ADISSP: variants seen among roughly 807,000 people sequenced by gnomAD.
ADISSP encodes adipose secreted signaling protein, also known as adipose-secreted signaling protein.
the ADISSP span, chr20:3,759,913 G>A: frequency 4.2e-6 from 5 of 1,178,268 alleles, no homozygotes; most frequent in Non-Finnish European, 6.2e-6. This position sits in a 1 kb window ranked among gnomAD's most constrained non-coding sequence, Gnocchi z 4.6. Context: ...CCAGAACCTG[G>A]CACAAACACT....
chr20:3,753,973 A>G, the ADISSP span: 1 of 1,040,636 alleles, frequency 9.6e-7, no homozygotes, highest in Non-Finnish European at 1.5e-6. Flanking sequence ...GAGAGGGGCG[A>G]GGAAGCCACA....
At chr20:3,765,186 C>A in the ADISSP span, among the ~76,000 whole-genome samples, 1 of 152,230 alleles carries the variant, frequency 6.6e-6, no homozygotes, top group African/African-American at 2.4e-5. Flanking sequence ...CCTCGGGGAG[C>A]TAGACTCTTG....
chr20:3,753,967 G>T, the ADISSP span: 1 of 974,382 alleles, frequency 1.0e-6, no homozygotes, highest in Non-Finnish European at 1.6e-6. Context: ...ACCCCAGAGA[G>T]GGGCGAGGAA....
the ADISSP span, among the ~76,000 whole-genome samples, chr20:3,762,274 GA>G: frequency 1.0e-3 from 137 of 132,152 alleles, no homozygotes; most frequent in East Asian, 1.1e-3. Context: ...TCTGTCTCAA[GA>G]AAAAAAAAAA....
the ADISSP span, chr20:3,760,155 G>T: frequency 3.5e-6 from 5 of 1,431,668 alleles, no homozygotes; most frequent in Admixed American, 3.4e-5. Context: ...ACGCTCAGCA[G>T]CCTCCCATGC....
chr20:3,753,959 C>T, the ADISSP span: 1 of 915,294 alleles, frequency 1.1e-6, no homozygotes, highest in Admixed American at 2.0e-5. Context: ...CCACACCCAC[C>T]CCAGAGAGGG....
the ADISSP span, chr20:3,754,632 C>A: frequency 1.6e-5 from 18 of 1,124,388 alleles, no homozygotes; most frequent in Non-Finnish European, 2.4e-5. Flanking sequence ...CTAAGCCCCC[C>A]CAAGAAAGGG....
At chr20:3,759,869 C>G in the ADISSP span, 1 of 723,116 alleles carries the variant, frequency 1.4e-6, no homozygotes, top group African/African-American at 1.7e-5. This position sits in a 1 kb window ranked among gnomAD's most constrained non-coding sequence, Gnocchi z 4.6. Context: ...GTCAGCAGGG[C>G]TCTGCAGGGG....
the ADISSP span, among the ~76,000 whole-genome samples, chr20:3,763,904 T>C: frequency 3.9e-5 from 6 of 152,140 alleles, no homozygotes; most frequent in African/African-American, 1.4e-4. Flanking sequence ...CCCTGCCTCA[T>C]GGGCAGGGTG....
At chr20:3,761,636 G>A in the ADISSP span, among the ~76,000 whole-genome samples, 2 of 152,114 alleles carry the variant, frequency 1.3e-5, no homozygotes, top group Admixed American at 6.5e-5. Context: ...ATGCCTGGCC[G>A]AGGACCTGGT....
chr20:3,756,305 C>T, the ADISSP span, among the ~76,000 whole-genome samples: 88 of 152,352 alleles, frequency 5.8e-4, no homozygotes, highest in Middle Eastern at 6.8e-3. Flanking sequence ...CCCATACTCA[C>T]GACCCAAGCA....
the ADISSP span, among the ~76,000 whole-genome samples, chr20:3,763,328 C>A: frequency 6.7e-6 from 1 of 148,966 alleles, no homozygotes; most frequent in African/African-American, 2.5e-5. Context: ...GAGGCTGAGG[C>A]GGGCGGATCA....
chr20:3,762,600 C>T, the ADISSP span, among the ~76,000 whole-genome samples: 1 of 152,336 alleles, frequency 6.6e-6, no homozygotes, highest in Non-Finnish European at 1.5e-5. Context: ...GATCCACCCA[C>T]CTCAGCCTCC....
chr20:3,768,298 C>T, the ADISSP span: 8,014 of 152,608 alleles, frequency 0.053, 295 homozygotes, highest in East Asian at 0.12. Context: ...CTTCCCCTTC[C>T]ACCCCATCCC....
chr20:3,754,174 C>CA, the ADISSP span: 2 of 1,598,736 alleles, frequency 1.3e-6, no homozygotes, highest in South Asian at 2.2e-5. Context: ...AGGCAGGGTG[C>CA]AAGTCAGTGC....
the ADISSP span, chr20:3,754,194 C>T: frequency 1.3e-6 from 2 of 1,582,154 alleles, no homozygotes; most frequent in Non-Finnish European, 1.7e-6. Flanking sequence ...CCATGCTGGC[C>T]CCCGGCCCCA....
the ADISSP span, chr20:3,754,310 G>C: frequency 6.5e-7 from 1 of 1,539,266 alleles, no homozygotes; most frequent in East Asian, 2.3e-5. Flanking sequence ...AGGATCCCTT[G>C]TTCAGCCTTG....
chr20:3,761,291 C>G, the ADISSP span, among the ~76,000 whole-genome samples: 2 of 147,714 alleles, frequency 1.4e-5, no homozygotes, highest in African/African-American at 5.2e-5. Flanking sequence ...AGCAGATACT[C>G]ACAGGCGCCC....
the ADISSP span, chr20:3,755,317 T>C: frequency 1.5e-6 from 1 of 673,336 alleles, no homozygotes; most frequent in South Asian, 1.8e-5. Flanking sequence ...GCCTGGAGTG[T>C]GGGACCTGCC....
Sources: gnomAD v4.1 joint callset for allele counts (sites outside exome capture counted in the v4.1 genomes callset) on GRCh38, gnomAD v4.1.1 for gene constraint, Gnocchi (gnomAD v3.1) non-coding constraint, MANE v1.5 for transcripts, NCBI Gene and HGNC (gene_info 2026-07-23, HGNC 2026-07-21) for gene names.